The following PAG1 variants were observed in gnomAD, a reference collection of about 807,000 sequenced individuals.
The protein encoded by PAG1 is phosphoprotein membrane anchor with glycosphingolipid microdomains 1.
Under a neutral mutation model 31.7 loss-of-function variants are expected in PAG1, and 23 were observed. That is an observed-to-expected ratio of 0.73 (90% CI 0.52 to 1.03). The LOEUF (loss-of-function observed/expected upper bound fraction) is 1.03. Ranked by LOEUF, PAG1 falls within the 50% of genes least tolerant of loss-of-function variation. The probability of loss-of-function intolerance (pLI) is 0.00; values close to 1 mark genes in which losing one functional copy is unlikely to be tolerated. For missense variants in PAG1, 473 were observed against 540.7 expected, an observed-to-expected ratio of 0.87 and a Z score of 1.24; for synonymous variants, 214 against 210.3, an observed-to-expected ratio of 1.02 and a Z score of -0.15.
chr8:81,077,884 G>A (rs1436596131), intron 1 of PAG1, among the ~76,000 whole-genome samples: 1 of 152,196 alleles, frequency 6.6e-6, no homozygotes, highest in African/African-American at 2.4e-5. Context: ...AAGAGAGCCA[G>A]AAGGGAACAG....
At chr8:81,093,078 CAT>C (rs1445968343) in intron 1 of PAG1, among the ~76,000 whole-genome samples, 1 of 152,174 alleles carries the variant, frequency 6.6e-6, no homozygotes, top group East Asian at 1.9e-4. Flanking sequence ...TAAGTGAAGA[CAT>C]ATACTAAAAA....
chr8:81,063,150 C>T (rs1156646052), intron 2 of PAG1, among the ~76,000 whole-genome samples: 1 of 152,158 alleles, frequency 6.6e-6, no homozygotes, highest in Non-Finnish European at 1.5e-5. Context: ...AGTCATCTCT[C>T]CCAGTGGGCC....
chr8:81,013,822 C>T (rs1162128893), intron 3 of PAG1, among the ~76,000 whole-genome samples: 1 of 152,138 alleles, frequency 6.6e-6, no homozygotes, highest in Non-Finnish European at 1.5e-5. Context: ...TCAAGTGATT[C>T]GCCCGCCTCA....
At chr8:81,059,897 T>C (rs1808889947) in intron 2 of PAG1, among the ~76,000 whole-genome samples, 1 of 151,868 alleles carries the variant, frequency 6.6e-6, no homozygotes. Flanking sequence ...ACACCTGTAA[T>C]CCCAGCTACT....
chr8:80,996,431 C>CT (rs1310591854), intron 3 of PAG1, among the ~76,000 whole-genome samples: 2 of 152,200 alleles, frequency 1.3e-5, no homozygotes, highest in Non-Finnish European at 2.9e-5. Flanking sequence ...GTCTCTCTCT[C>CT]TTTTTTCTGG....
chr8:80,976,304 G>A lies in PAG1; in HGVS notation c.*240C>T. 1 of 466,288 alleles carries A rather than the reference G, an allele frequency of 2.1e-6. No homozygotes were observed. The highest frequency in any genetic ancestry group is 3.8e-6 in the Non-Finnish European group (1 of 262,076). 28.9% of individuals were successfully genotyped at this position (466,288 alleles called of 1,614,324 possible). A position where few individuals can be genotyped will look rare whatever the true frequency, so the allele number is the denominator to read the frequency against. ...TTGTGGGTGGTGAGGGTGCAGCAGG[G>A]AGATGTGCTTGGGTGTACCTGTCCA... is the stretch of plus-strand genomic sequence containing the variant. On this transcript the variant is annotated 3_prime_UTR_variant, in exon 9 of 9. Transcript: ENST00000220597.
chr8:81,094,951 A>C (rs930965353), intron 1 of PAG1, among the ~76,000 whole-genome samples: 2 of 152,236 alleles, frequency 1.3e-5, no homozygotes, highest in African/African-American at 4.8e-5. Context: ...CTTAATCTGG[A>C]AGCTAGGAAA....
intron 1 of PAG1, among the ~76,000 whole-genome samples, chr8:81,087,409 C>T (rs531705537): frequency 1.4e-3 from 211 of 151,268 alleles, no homozygotes; most frequent in Non-Finnish European, 2.7e-3. Context: ...GCCCTTGTAA[C>T]GCCTAAAATA....
chr8:80,968,528 T>C lies in PAG1; in HGVS notation c.*8016A>G, dbSNP rs58273597. 23 of 152,354 alleles carry C rather than the reference T, an allele frequency of 1.5e-4. No homozygotes were observed. In the East Asian group the frequency reaches 4.4e-3, roughly 29 times the overall value. 9.4% of individuals were successfully genotyped at this position (152,354 alleles called of 1,614,324 possible). On this transcript the variant is annotated 3_prime_UTR_variant, in exon 9 of 9. Coordinates refer to ENST00000220597, the MANE Select transcript of PAG1 (RefSeq NM_018440.4). ...GTGCATTTTTTTCACCCATAAAAAT[T>C]TTTGAAATACTATGAGCAAGATACA...
At chr8:81,043,588 T>A (rs1171179118) in intron 2 of PAG1, among the ~76,000 whole-genome samples, 1 of 152,188 alleles carries the variant, frequency 6.6e-6, no homozygotes, top group South Asian at 2.1e-4. Context: ...TATACTATAA[T>A]TGGGCATTCT....
At chr8:81,035,006 G>C (rs747675143) in intron 2 of PAG1, among the ~76,000 whole-genome samples, 5 of 152,090 alleles carry the variant, frequency 3.3e-5, no homozygotes, top group African/African-American at 1.2e-4. Flanking sequence ...AGGCAACATC[G>C]ACCTGATTTA....
intron 3 of PAG1, among the ~76,000 whole-genome samples, chr8:80,994,119 C>A (rs998240630): frequency 2.1e-4 from 32 of 150,848 alleles, no homozygotes; most frequent in African/African-American, 7.4e-4. Context: ...CCACTGCCAT[C>A]TCTCATCTCC....
Position 80,984,920 on chromosome 8 carries a change from A to C in PAG1, c.732T>G (p.Ser244Arg). ...KKCRQSVNVE[S>R]ILGNSCDPEE... ...CTGGATCACATGAATTTCCAAGGATACTCTCTACATTAACACTTTGACGAC... is the reference window on the plus strand; with the variant it reads ...CTGGATCACATGAATTTCCAAGGATCCTCTCTACATTAACACTTTGACGAC... Residue 244 changes from serine to arginine, a missense_variant, in exon 7 of 9, where the codon AGT becomes AGG. Coordinates refer to ENST00000220597, the MANE Select transcript of PAG1 (RefSeq NM_018440.4). 6.2e-7 allele frequency: 1 copy of C among 1,613,882 alleles called. No homozygotes were observed. Among genetic ancestry groups the C allele is most frequent in the Non-Finnish European group, 8.5e-7 (1 of 1,179,964 alleles).
intron 1 of PAG1, among the ~76,000 whole-genome samples, chr8:81,102,552 T>G (rs1328888492): frequency 6.6e-6 from 1 of 152,180 alleles, no homozygotes; most frequent in Non-Finnish European, 1.5e-5. Flanking sequence ...TTAGTAAGCC[T>G]CCTAGATATT....
Position 81,030,346 on chromosome 8 carries a change from G to T in PAG1, c.-174-257C>A, listed in dbSNP as rs10957995. On this transcript the variant is annotated intron_variant, in intron 2 of 8. Coordinates refer to ENST00000220597, the MANE Select transcript of PAG1 (RefSeq NM_018440.4). ...CAAAAATTTTTAATAAAAAAGCCAC[G>T]TAAGTGTCTAATCAAATACAAATCA... Among the ~76,000 whole-genome samples, 387 of 152,148 alleles carry T rather than the reference G, an allele frequency of 2.5e-3. 1 individual carries two copies. The highest frequency in any genetic ancestry group is 8.5e-3 in the African/African-American group (351 of 41,502).
intron 2 of PAG1, among the ~76,000 whole-genome samples, chr8:81,056,375 T>C (rs1488456445): frequency 6.6e-6 from 1 of 152,076 alleles, no homozygotes; most frequent in African/African-American, 2.4e-5. Flanking sequence ...AACAGAGATA[T>C]AGACCAATGG....
intron 4 of PAG1, among the ~76,000 whole-genome samples, chr8:80,992,557 T>A (rs938372460): frequency 6.6e-6 from 1 of 152,200 alleles, no homozygotes; most frequent in African/African-American, 2.4e-5. Flanking sequence ...ACATTTTATA[T>A]GAGACAGAGG....
At chr8:81,043,411 C>A (rs143666300) in intron 2 of PAG1, among the ~76,000 whole-genome samples, 4 of 152,124 alleles carry the variant, frequency 2.6e-5, no homozygotes, top group African/African-American at 7.2e-5. Flanking sequence ...ATACAAAAAT[C>A]GAAAGAGTCT....
At chr8:81,019,502 G>T (rs576531706) in intron 3 of PAG1, among the ~76,000 whole-genome samples, 5 of 152,368 alleles carry the variant, frequency 3.3e-5, no homozygotes, top group Middle Eastern at 6.8e-3. Flanking sequence ...TTCCAGCCAT[G>T]GCTAAAAGGG....
Sources: allele counts gnomAD v4.1 joint callset (sites outside exome capture counted in the v4.1 genomes callset), GRCh38; gene constraint gnomAD v4.1.1; transcripts MANE v1.5; gene names NCBI Gene and HGNC (gene_info 2026-07-23, HGNC 2026-07-21).